Variants in UBR4 observed in about 807,000 individuals in gnomAD.
The protein encoded by UBR4 is ubiquitin protein ligase E3 component n-recognin 4, also known as E3 ubiquitin-protein ligase UBR4.
Under a neutral mutation model 575.6 loss-of-function variants are expected in UBR4, and 124 were observed. The observed-to-expected ratio is 0.22, with a 90% CI of 0.19 to 0.25. The LOEUF is 0.25. Ranked by LOEUF, UBR4 falls within the 10% of genes least tolerant of loss-of-function variation. The pLI is 1.00. For missense variants in UBR4, 4,818 were observed against 6,478.8 expected (o/e 0.74, Z 8.80); for synonymous variants, 2,455 against 2,473.7 (o/e 0.99, Z 0.22).
rs796981206 is a variant in UBR4, at chr1:19,166,963, C to T, written c.4109+59G>A. ...TGACCTAAAGGCAGCAGTGTTAGTA[C>T]ATTTCACTGATAGCAGCAGTAGGTC... On this transcript the variant is annotated intron_variant, in intron 29 of 105. Coordinates refer to ENST00000375254, the MANE Select transcript of UBR4 (RefSeq NM_020765.3). 91 of 1,564,702 alleles carry T rather than the reference C, an allele frequency of 5.8e-5. 1 individual carries two copies. The African/African-American group carries it at 1.1e-3, about 20-fold the overall frequency.
chr1:19,184,515 C>T, intron 15 of UBR4, among the ~76,000 whole-genome samples: 1 of 152,166 alleles, frequency 6.6e-6, no homozygotes, highest in East Asian at 1.9e-4. Flanking sequence ...ATATTCAATC[C>T]TGAAGCCTAT....
Position 19,093,845 on chromosome 1 carries a change from C to A in UBR4, c.13937+104G>T. ...CTCCTTAAAAGCCAGAACGAGGACACAAAAATCTAATAGGTATTCAGAGGA... is the reference window on the plus strand; with the variant it reads ...CTCCTTAAAAGCCAGAACGAGGACAAAAAAATCTAATAGGTATTCAGAGGA... On this transcript the variant is annotated intron_variant, in intron 95 of 105. Coordinates refer to ENST00000375254, the MANE Select transcript of UBR4 (RefSeq NM_020765.3). This position sits in a 1 kb window ranked among gnomAD's most constrained non-coding sequence, Gnocchi z 4.8. 1 of 1,350,606 alleles carries A rather than the reference C, an allele frequency of 7.4e-7. No homozygotes were observed. Among genetic ancestry groups the A allele is most frequent in the Non-Finnish European group, 1.0e-6 (1 of 998,072 alleles). The allele number at this position is 1,350,606 out of a possible 1,614,324, so 83.7% of individuals were successfully genotyped here.
In UBR4 at chr1:19,156,817, G is replaced by C; in HGVS notation, c.5869C>G (p.Leu1957Val). The C allele has an allele frequency of 1.2e-6, 2 of 1,614,142 alleles. No individual in the cohort carries two copies. The highest frequency in any genetic ancestry group is 1.7e-6 in the Non-Finnish European group (2 of 1,179,996). ...SAPVPFTVLS[L>V]TGNPCKEDYL... The stretch of plus-strand genomic sequence containing the variant: ...TCTTCCTTGCAGGGATTTCCTGTGA[G>C]GCTCAACACAGTAAAAGGAACTGGG... The change falls in exon 41 of 106, where the codon CTC (leucine) becomes GTC (valine). Residue 1957 changes from leucine to valine, a missense_variant. Transcript: ENST00000375254.
At chr1:19,115,199 G>GCACACACACA (rs61661086) in intron 74 of UBR4, among the ~76,000 whole-genome samples, 199 bp downstream of exon 74, 1 of 127,058 alleles carries the variant, frequency 7.9e-6, no homozygotes, top group African/African-American at 3.1e-5. Context: ...GTGTGCACAT[G>GCACACACACA]CACACACACA....
Position 19,129,065 on chromosome 1 carries a change from C to A in UBR4, c.8916G>T (p.Met2972Ile). Residue 2972 changes from methionine to isoleucine, a missense_variant, in exon 61 of 106, where the codon ATG (methionine) becomes ATT (isoleucine). Around this residue, in one of 29 missense-constraint regions of UBR4, gnomAD observed 87 missense variants for 82.8 expected, o/e 1.05. Transcript: ENST00000375254. ...GDVHTSNRLH[M>I]VRLMLLERLL... ...ATCTCTCCAACAGCATTAGACGGAC[C>A]ATGTGCAGCCTAAAAGGGTGGGGAA... The A allele has an allele frequency of 4.3e-6, 7 of 1,614,052 alleles. No homozygotes were observed. Among genetic ancestry groups the A allele is most frequent in the Non-Finnish European group, 5.9e-6 (7 of 1,179,954 alleles).
chr1:19,180,196 AT>A (rs370222029), intron 17 of UBR4, among the ~76,000 whole-genome samples: 1,550 of 149,438 alleles, frequency 0.01, 24 homozygotes, highest in African/African-American at 0.036. Context: ...TTATTTATTT[AT>A]TTTTTTTTTG....
At chr1:19,105,479 T>A (rs1160725208) in intron 84 of UBR4, among the ~76,000 whole-genome samples, 1 of 152,226 alleles carries the variant, frequency 6.6e-6, no homozygotes, top group Non-Finnish European at 1.5e-5. Flanking sequence ...ATGCCAAGCA[T>A]TTATGCACTC....
rs1444087256 is a variant in UBR4, at chr1:19,165,643, A to C, written c.4211+13T>G. 6.2e-7 allele frequency: 1 copy of C among 1,611,492 alleles called. No homozygotes were observed. On this transcript the variant is annotated intron_variant, in intron 30 of 105. Transcript: ENST00000375254. ...CAAAAAATATTCACTGAATAAAGCA[A>C]AACACGGCTCACCTGTCAGAGAAAA...
chr1:19,181,379 A>C (rs991875621), intron 17 of UBR4, among the ~76,000 whole-genome samples: 16 of 152,182 alleles, frequency 1.1e-4, no homozygotes, highest in Non-Finnish European at 2.1e-4. Context: ...AAAACAAAAC[A>C]AAACCCAATC....
At chr1:19,164,129 C>A in intron 33 of UBR4, 124 bp downstream of exon 33, 1 of 1,184,208 alleles carries the variant, frequency 8.4e-7, no homozygotes. Flanking sequence ...ACCCACCCAA[C>A]TCCCAAACTC....
At position 19,199,672 on chromosome 1, in the gene UBR4, A is replaced by G; in HGVS notation, c.357T>C (p.Asp119=). ...EFSLLRLENP[D]EACAVSQKHL... is the part of the protein sequence containing the mutation. The stretch of plus-strand genomic sequence containing the variant: ...TCACCTGGGACACAGCACAAGCCTC[A>G]TCTGGATTCTCCAGACGCAGGAGAG... The change falls in exon 3 of 106, where the codon GAT becomes GAC. Residue 119 remains aspartate, a synonymous_variant. Coordinates refer to ENST00000375254, the MANE Select transcript of UBR4 (RefSeq NM_020765.3). 1 of 1,613,886 alleles carries G rather than the reference A, an allele frequency of 6.2e-7. No homozygotes were observed.
intron 68 of UBR4, 21 bp from the exon 69 acceptor site, chr1:19,120,369 T>C (rs753346990): frequency 6.2e-7 from 1 of 1,612,022 alleles, no homozygotes; most frequent in Non-Finnish European, 8.5e-7. Flanking sequence ...AGGACAGGAC[T>C]AAGGGCTGAA....
At chr1:19,083,202 G>A (rs2148608793) in intron 102 of UBR4, among the ~76,000 whole-genome samples, 1 of 152,250 alleles carries the variant, frequency 6.6e-6, no homozygotes, top group South Asian at 2.1e-4. Flanking sequence ...GTGCTGCCAG[G>A]TGCTGCTCCC....
chr1:19,161,573 G>C lies in UBR4; in HGVS notation c.5175+16C>G. Reference sequence around the variant, plus strand: ...CTAACAAGCCACCCTTTATAGCTCAGGGAGGGTCCTCTCACCAAACAGCTG... The same window carrying C: ...CTAACAAGCCACCCTTTATAGCTCACGGAGGGTCCTCTCACCAAACAGCTG... On this transcript the variant is annotated intron_variant, in intron 37 of 105. Transcript: ENST00000375254. 1 of 1,591,626 alleles carries C rather than the reference G, an allele frequency of 6.3e-7. No individual in the cohort carries two copies. The highest frequency in any genetic ancestry group is 8.5e-7 in the Non-Finnish European group (1 of 1,169,774).
In UBR4 at chr1:19,110,895, C is replaced by T. The variant is rs540090431; in HGVS notation, c.11802-63G>A. On this transcript the variant is annotated intron_variant, in intron 78 of 105. Transcript: ENST00000375254. This position sits in a 1 kb window ranked among gnomAD's most constrained non-coding sequence, Gnocchi z 4.5. ...AATCAGGTGTGACACTCCTTTCCACCTGAAGGGGCCCAGGGAAAATGAAAT... is the reference window on the plus strand; with the variant it reads ...AATCAGGTGTGACACTCCTTTCCACTTGAAGGGGCCCAGGGAAAATGAAAT... 4 of 1,505,100 alleles carry T rather than the reference C, an allele frequency of 2.7e-6. No homozygotes were observed. The African/African-American group carries it at 4.2e-5, about 16-fold the overall frequency. 93.2% of individuals were successfully genotyped at this position (1,505,100 alleles called of 1,614,324 possible).
chr1:19,201,089 T>G (rs954701577), intron 2 of UBR4, among the ~76,000 whole-genome samples: 2 of 152,168 alleles, frequency 1.3e-5, no homozygotes, highest in Non-Finnish European at 2.9e-5. Context: ...CAGTGAGCTA[T>G]GATCACGCCA....
chr1:19,151,004 G>A (rs984794257), intron 48 of UBR4: 13 of 595,006 alleles, frequency 2.2e-5, no homozygotes, highest in African/African-American at 1.3e-4. Flanking sequence ...AGCCGATTAC[G>A]TCTCCTACTC....
chr1:19,077,036 C>G (rs1039305229), intron 104 of UBR4, 134 bp from the exon 105 acceptor site: 14 of 919,110 alleles, frequency 1.5e-5, no homozygotes, highest in African/African-American at 3.4e-5. Flanking sequence ...CCAACAGGCA[C>G]CCTAGAGCGT....
At chr1:19,101,683 C>T (rs781362902) in intron 87 of UBR4, 42 bp from the exon 88 acceptor site, 3 of 1,570,480 alleles carry the variant, frequency 1.9e-6, no homozygotes, top group South Asian at 1.1e-5. Context: ...AGAGCCTCTC[C>T]CATGGAAGGT....
Sources: allele counts gnomAD v4.1 joint callset (sites outside exome capture counted in the v4.1 genomes callset), GRCh38; gene constraint gnomAD v4.1.1; regional missense constraint gnomAD v4.1.1; non-coding constraint Gnocchi (gnomAD v3.1); transcripts MANE v1.5; gene names NCBI Gene and HGNC (gene_info 2026-07-23, HGNC 2026-07-21).